Variants in ABCC2 observed in about 807,000 individuals in gnomAD.
ABCC2 encodes the protein ATP-binding cassette sub-family C member 2.
Under a neutral mutation model 173.4 loss-of-function variants are expected in ABCC2, and 157 were observed. That is an observed-to-expected ratio of 0.91 (90% CI 0.80 to 1.03). ABCC2 has a LOEUF of 1.03. ABCC2 is among the 50% of genes least tolerant of loss of function. The pLI is 0.00. For missense variants in ABCC2, 1,822 were observed against 1,852.3 expected, an observed-to-expected ratio of 0.98 and a Z score of 0.30; for synonymous variants, 657 against 693.5, an observed-to-expected ratio of 0.95 and a Z score of 0.83.
intron 19 of ABCC2, among the ~76,000 whole-genome samples, chr10:99,819,611 T>G (rs1021750961): frequency 6.6e-6 from 1 of 152,202 alleles, no homozygotes; most frequent in African/African-American, 2.4e-5. Flanking sequence ...CATGTTCCTA[T>G]TGACTCTAGT....
rs187261055 is a variant in ABCC2 at position 99,789,613 on chromosome 10, G to T, written c.208-2621G>T. 4.0e-5 allele frequency among the ~76,000 whole-genome samples: 6 copies of T among 151,336 alleles called. No individual in the cohort carries two copies. The East Asian group carries it at 1.2e-3, about 29-fold the overall frequency. The stretch of plus-strand genomic sequence containing the variant: ...ACCTGTAATCCCATCTCCTTGGGAG[G>T]CTGAGGCAGGAGAATCACTTGAACC... On this transcript the variant is annotated intron_variant, in intron 2 of 31. Transcript: ENST00000647814.
chr10:99,846,968 T>C lies in ABCC2; in HGVS notation c.4154T>C (p.Ile1385Thr). The change falls in exon 30 of 32, where the codon ATC becomes ACC. Residue 1385 changes from isoleucine to threonine, a missense_variant. By Grantham distance (89) the Ile-to-Thr change is moderately conservative. Coordinates refer to ENST00000647814, the MANE Select transcript of ABCC2 (RefSeq NM_000392.5). ...TTGTCCTTTCACTTGCAGGACCCCA[T>C]CCTGTTCTCTGGAAGCCTGAGGATG... ...EKLTIIPQDPILFSGSLRMNL... is the reference protein window; with the variant it reads ...EKLTIIPQDPTLFSGSLRMNL... The C allele has an allele frequency of 6.2e-7, 1 of 1,614,166 alleles. No individual in the cohort carries two copies. Among genetic ancestry groups the C allele is most frequent in the Non-Finnish European group, 8.5e-7 (1 of 1,180,016 alleles).
At chr10:99,782,945 T>C in intron 1 of ABCC2, 68 bp downstream of exon 1, 1 of 1,539,590 alleles carries the variant, frequency 6.5e-7, no homozygotes. Context: ...TTAGTTAACT[T>C]AGGGTGGTCA....
intron 31 of ABCC2, 124 bp downstream of exon 31, chr10:99,850,920 GAGACTT>G (rs2039080127): frequency 4.9e-6 from 6 of 1,214,256 alleles, no homozygotes; most frequent in Non-Finnish European, 7.2e-6. Flanking sequence ...TGAAGAAACT[GAGACTT>G]AGAGATGTCA....
chr10:99,850,225 T>C (rs916883052), intron 30 of ABCC2, among the ~76,000 whole-genome samples: 3 of 152,222 alleles, frequency 2.0e-5, no homozygotes, highest in Admixed American at 2.0e-4. Context: ...GTTTTGGAAA[T>C]GTTGATGTCA....
chr10:99,813,486 C>T (rs2038253028), intron 16 of ABCC2, among the ~76,000 whole-genome samples: 1 of 152,122 alleles, frequency 6.6e-6, no homozygotes, highest in African/African-American at 2.4e-5. Context: ...GAGGCCGAGG[C>T]AGGCAGATCA....
chr10:99,806,248 G>C (rs1170641248), intron 11 of ABCC2, among the ~76,000 whole-genome samples: 1 of 152,176 alleles, frequency 6.6e-6, no homozygotes, highest in Non-Finnish European at 1.5e-5. Context: ...AAGTGGTGCT[G>C]TGTGCTTCCC....
chr10:99,814,792 C>CATATGTGTGTGTATGTATAT (rs2038372038), intron 16 of ABCC2, among the ~76,000 whole-genome samples: 3 of 103,258 alleles, frequency 2.9e-5, no homozygotes, highest in African/African-American at 1.4e-4. Flanking sequence ...TATACACACA[C>CATATGTGTGTGTATGTATAT]ACATATGTGT....
chr10:99,795,400 A>G (rs2037882652), intron 6 of ABCC2, among the ~76,000 whole-genome samples: 1 of 152,154 alleles, frequency 6.6e-6, no homozygotes, highest in African/African-American at 2.4e-5. Flanking sequence ...GAGCTATGAG[A>G]ACATGTGGGA....
At chr10:99,803,387 T>C (rs1415872239) in intron 9 of ABCC2, among the ~76,000 whole-genome samples, 1 of 152,210 alleles carries the variant, frequency 6.6e-6, no homozygotes, top group Non-Finnish European at 1.5e-5. Context: ...CAAATAACAT[T>C]GCCACATCAA....
chr10:99,831,891 T>G lies in ABCC2; in HGVS notation c.3103+61T>G, dbSNP rs962977465. 6.2e-6 allele frequency: 10 copies of G among 1,610,588 alleles called. No homozygotes were observed. The African/African-American group carries it at 1.3e-4, about 22-fold the overall frequency. ...TCTGGACCCTGTACTTTTCCTGGAC[T>G]CAGGAATGCATTTGCCATTATGTCC... On this transcript the variant is annotated intron_variant, in intron 22 of 31. Transcript: ENST00000647814.
At chr10:99,792,940 C>T (rs1237809398) in intron 3 of ABCC2, among the ~76,000 whole-genome samples, 1 of 152,182 alleles carries the variant, frequency 6.6e-6, no homozygotes, top group Non-Finnish European at 1.5e-5. Flanking sequence ...TCAGGCAGAG[C>T]AATGTCAGCT....
Position 99,811,528 on chromosome 10 carries a change from C to T in ABCC2, c.1901-8C>T. On this transcript the variant is annotated splice_polypyrimidine_tract_variant and splice_region_variant and intron_variant, in intron 14 of 31. Coordinates refer to ENST00000647814, the MANE Select transcript of ABCC2 (RefSeq NM_000392.5). The stretch of plus-strand genomic sequence containing the variant: ...ACATTGGACTAAAAGAGGGCTTTTT[C>T]TCAACAGACAAAGCCATGCAGTTTT... The T allele has an allele frequency of 6.2e-7, 1 of 1,614,030 alleles. No homozygotes were observed. Among genetic ancestry groups the T allele is most frequent in the Non-Finnish European group, 8.5e-7 (1 of 1,179,972 alleles).
chr10:99,822,119 T>C (rs1305895329), intron 19 of ABCC2, among the ~76,000 whole-genome samples: 1 of 152,146 alleles, frequency 6.6e-6, no homozygotes, highest in Non-Finnish European at 1.5e-5. Context: ...TCTATAGGAT[T>C]ATCCATCCAT....
chr10:99,830,492 T>C, intron 20 of ABCC2, 59 bp downstream of exon 20: 2 of 1,612,900 alleles, frequency 1.2e-6, no homozygotes, highest in Non-Finnish European at 1.7e-6. Context: ...TTGATCTTTT[T>C]CTTTTTCTTC....
chr10:99,788,859 C>T (rs2145852), intron 2 of ABCC2: 88,386 of 152,558 alleles, frequency 0.58, 25,911 homozygotes, highest in East Asian at 0.77. Flanking sequence ...ATGTGTTCCC[C>T]AGGCATTCCT....
intron 26 of ABCC2, among the ~76,000 whole-genome samples, chr10:99,842,984 C>G (rs1232321126): frequency 6.7e-6 from 1 of 150,048 alleles, no homozygotes; most frequent in Non-Finnish European, 1.5e-5. Flanking sequence ...ACCCAGGAGG[C>G]AGAGGTTGTA....
intron 17 of ABCC2, among the ~76,000 whole-genome samples, chr10:99,817,884 T>C (rs2038451354): frequency 6.6e-6 from 1 of 152,142 alleles, no homozygotes; most frequent in Non-Finnish European, 1.5e-5. Flanking sequence ...CACTTAGATG[T>C]TTATTGTGAA....
intron 6 of ABCC2, among the ~76,000 whole-genome samples, chr10:99,796,347 A>C (rs1214946487): frequency 1.3e-5 from 2 of 152,142 alleles, no homozygotes; most frequent in African/African-American, 4.8e-5. Context: ...TCTACTAAAA[A>C]TACAAAATTA....
Sources: gnomAD v4.1 joint callset for allele counts (sites outside exome capture counted in the v4.1 genomes callset) on GRCh38, gnomAD v4.1.1 for gene constraint, MANE v1.5 for transcripts, NCBI Gene and HGNC (gene_info 2026-07-23, HGNC 2026-07-21) for gene names.